The following FARP1 variants were observed in gnomAD, a reference collection of about 807,000 sequenced individuals.
FARP1 encodes the protein FERM, ARHGEF and pleckstrin domain-containing protein 1.
A neutral mutation model predicts 128.8 loss-of-function variants in FARP1; 52 were observed. The observed-to-expected ratio is 0.40, with a 90% CI of 0.32 to 0.51. FARP1 has a LOEUF of 0.51. Among genes scored for constraint, FARP1 ranks in the 20% least tolerant of loss-of-function variants. The pLI is 0.45. For synonymous variants in FARP1, 580 were observed against 551.8 expected (o/e 1.05, Z -0.72); for missense variants, 1,333 against 1,367.9 (o/e 0.97, Z 0.40).
rs527678563 is a variant in FARP1, at chr13:98,399,747, CA to C, written c.1414+4274del. 3.9e-5 allele frequency: 6 copies of C among 152,306 alleles called. No homozygotes were observed. In the South Asian group the frequency reaches 1.2e-3, roughly 32 times the overall value. 9.4% of individuals were successfully genotyped at this position (152,306 alleles called of 1,614,324 possible). A position where few individuals can be genotyped will look rare whatever the true frequency, so the allele number is the denominator to read the frequency against. ...ATGGAAGACAAGCCCTATGTAAACA[CA>C]AATCTTAAAGCCACTGTTGGCTACT... On this transcript the variant is annotated intron_variant, in intron 13 of 26. Transcript: ENST00000319562.
intron 2 of FARP1, among the ~76,000 whole-genome samples, chr13:98,286,094 C>T (rs1207428917): frequency 6.6e-6 from 1 of 152,144 alleles, no homozygotes; most frequent in Non-Finnish European, 1.5e-5. Flanking sequence ...GCTTAGAACC[C>T]CTGGCCTCAC....
At chr13:98,333,348 G>A (rs1214728080) in intron 2 of FARP1, 2 of 151,654 alleles carry the variant, frequency 1.3e-5, no homozygotes. Context: ...CTAGCACTAT[G>A]AAGAGCTGGA....
chr13:98,247,446 G>A (rs745481261), intron 2 of FARP1, among the ~76,000 whole-genome samples: 25 of 152,116 alleles, frequency 1.6e-4, no homozygotes, highest in Admixed American at 1.2e-3. Context: ...GGTCACTAAC[G>A]CAGACAGACA....
intron 2 of FARP1, chr13:98,234,663 CT>C (rs1271695225): frequency 6.6e-6 from 1 of 152,078 alleles, no homozygotes; most frequent in Admixed American, 6.6e-5. Flanking sequence ...TGTTTGCTTG[CT>C]CTTAAGTTAG....
intron 2 of FARP1, chr13:98,333,488 C>T (rs1425841905): frequency 2.0e-5 from 3 of 147,200 alleles, no homozygotes; most frequent in African/African-American, 5.0e-5. Flanking sequence ...CAAAATCTAT[C>T]TTTGCAGAGT....
intron 2 of FARP1, among the ~76,000 whole-genome samples, chr13:98,335,552 A>T (rs973542694): frequency 6.6e-6 from 1 of 152,214 alleles, no homozygotes; most frequent in Non-Finnish European, 1.5e-5. Flanking sequence ...ACAGTTCAAG[A>T]TGAGATTTGG....
chr13:98,259,105 A>T (rs1395075878), intron 2 of FARP1, among the ~76,000 whole-genome samples: 2 of 152,066 alleles, frequency 1.3e-5, no homozygotes, highest in Non-Finnish European at 2.9e-5. Context: ...CAGCTACTCC[A>T]GCGGCTGAGG....
At chr13:98,156,599 G>A (rs958355494) in intron 1 of FARP1, among the ~76,000 whole-genome samples, 51 of 152,200 alleles carry the variant, frequency 3.4e-4, no homozygotes, top group African/African-American at 1.2e-3. Context: ...GTAGAAATGG[G>A]ACTTTGCTTT....
In FARP1 at chr13:98,390,871, A is replaced by C. The variant is rs1890279958; in HGVS notation, c.1079A>C (p.Gln360Pro). 1 of 1,612,058 alleles carries C rather than the reference A, an allele frequency of 6.2e-7. No individual in the cohort carries two copies. Among genetic ancestry groups the C allele is most frequent in the Admixed American group, 1.7e-5 (1 of 59,992 alleles). Reference protein sequence around the residue: ...YVKEGGHKKVQFERKHSKIHS... With the variant: ...YVKEGGHKKVPFERKHSKIHS... The stretch of plus-strand genomic sequence containing the variant: ...AAAGAAGGAGGACATAAGAAGGTGC[A>C]GTTTGAAAGGTAAGAGAAGCTTCAA... The change falls in exon 11 of 27, where the codon CAG (glutamine) becomes CCG (proline). Residue 360 changes from glutamine to proline, a missense_variant. Gln to Pro is a moderately conservative substitution (Grantham distance 76). Around this residue, in one of 2 missense-constraint regions of FARP1, gnomAD observed 1,009 missense variants for 969.8 expected, o/e 1.04. Coordinates refer to ENST00000319562, the MANE Select transcript of FARP1 (RefSeq NM_005766.4).
At chr13:98,290,811 A>G (rs1175137062) in intron 2 of FARP1, among the ~76,000 whole-genome samples, 1 of 152,186 alleles carries the variant, frequency 6.6e-6, no homozygotes, top group East Asian at 1.9e-4. Context: ...AAGAGGAGTC[A>G]TGGATGACTC....
chr13:98,199,609 G>T (rs1594260338), intron 1 of FARP1, among the ~76,000 whole-genome samples: 1 of 152,304 alleles, frequency 6.6e-6, no homozygotes, highest in East Asian at 1.9e-4. Flanking sequence ...GCCAGGCAAG[G>T]GTTGGGTGCT....
chr13:98,390,141 C>T, intron 10 of FARP1, 21 bp downstream of exon 10: 2 of 1,609,110 alleles, frequency 1.2e-6, no homozygotes, highest in Non-Finnish European at 1.7e-6. Context: ...CACTTTGTGC[C>T]TCTGTTTGCT....
chr13:98,389,695 G>T (rs1050384325), intron 9 of FARP1: 1 of 368,394 alleles, frequency 2.7e-6, no homozygotes, highest in Admixed American at 4.2e-5. Flanking sequence ...GTCAAAAAAT[G>T]GTGTCACTTC....
intron 2 of FARP1, among the ~76,000 whole-genome samples, chr13:98,271,436 T>C (rs112487016): frequency 0.061 from 9,320 of 152,262 alleles, 457 homozygotes; most frequent in African/African-American, 0.14. Flanking sequence ...GATACATGTG[T>C]AGAACGTGCA....
At chr13:98,357,874 G>C (rs920071009) in intron 3 of FARP1, among the ~76,000 whole-genome samples, 19 of 152,186 alleles carry the variant, frequency 1.2e-4, no homozygotes, top group Middle Eastern at 3.4e-3. Context: ...GATCCTTTTG[G>C]ATTTGGTTTT....
intron 2 of FARP1, among the ~76,000 whole-genome samples, chr13:98,313,810 C>T (rs577250853): frequency 2.6e-5 from 4 of 152,326 alleles, no homozygotes; most frequent in East Asian, 3.9e-4. Context: ...ACCTGCCAGC[C>T]GCCTCCTCAT....
rs1491386012 is a variant in FARP1, at chr13:98,449,058, CTG to C, written c.*744_*745del. ...GTGCAATACCTGGACTGTCACCGTC[CTG>C]TGAGTGGTGTACACAATGGGAAGAT... On this transcript the variant is annotated 3_prime_UTR_variant, in exon 27 of 27. Transcript: ENST00000319562. The C allele has an allele frequency of 2.0e-5, 3 of 152,226 alleles. No homozygotes were observed. Among genetic ancestry groups the C allele is most frequent in the East Asian group, 1.9e-4 (1 of 5,198 alleles). 9.4% of individuals were successfully genotyped at this position (152,226 alleles called of 1,614,324 possible).
intron 2 of FARP1, among the ~76,000 whole-genome samples, chr13:98,264,324 TC>T (rs1224359401): frequency 6.6e-6 from 1 of 152,126 alleles, no homozygotes; most frequent in Admixed American, 6.5e-5. Context: ...ACTAAGCAAT[TC>T]CTAGGTTTTA....
At chr13:98,284,737 GA>G (rs1408036363) in intron 2 of FARP1, among the ~76,000 whole-genome samples, 3 of 152,166 alleles carry the variant, frequency 2.0e-5, no homozygotes, top group Non-Finnish European at 4.4e-5. Context: ...AGTGAGTTGA[GA>G]AAATTAATTT....
Sources: allele counts gnomAD v4.1 joint callset (sites outside exome capture counted in the v4.1 genomes callset), GRCh38; gene constraint gnomAD v4.1.1; regional missense constraint gnomAD v4.1.1; transcripts MANE v1.5; gene names NCBI Gene and HGNC (gene_info 2026-07-23, HGNC 2026-07-21).